Variants in FAF1 observed in about 807,000 individuals in gnomAD.
FAF1 encodes Fas associated factor 1.
FAF1 carries 25 observed loss-of-function variants against 92.5 expected under a neutral mutation model. The observed-to-expected ratio is 0.27, with a 90% CI of 0.20 to 0.38. FAF1 has a LOEUF of 0.38. FAF1 is among the 10% of genes least tolerant of loss of function. The probability of loss-of-function intolerance (pLI) is 1.00; values close to 1 mark genes in which losing one functional copy is unlikely to be tolerated. For missense variants in FAF1, 636 were observed against 793.3 expected (o/e 0.80, Z 2.38); for synonymous variants, 234 against 273.2 (o/e 0.86, Z 1.42).
chr1:50,776,454 T>C (rs1341444919), intron 4 of FAF1, among the ~76,000 whole-genome samples: 2 of 152,148 alleles, frequency 1.3e-5, no homozygotes, highest in Non-Finnish European at 2.9e-5. Context: ...ATATTTAAAG[T>C]GTAACATTAA....
chr1:50,556,851 A>AATAAT (rs1334770776), intron 13 of FAF1, among the ~76,000 whole-genome samples: 1 of 151,574 alleles, frequency 6.6e-6, no homozygotes, highest in Non-Finnish European at 1.5e-5. Flanking sequence ...CATAAAATAA[A>AATAAT]ATAATATAAA....
chr1:50,752,916 T>C (rs1659926695), intron 4 of FAF1, among the ~76,000 whole-genome samples: 1 of 152,156 alleles, frequency 6.6e-6, no homozygotes, highest in African/African-American at 2.4e-5. Context: ...ACTCCTGACC[T>C]GAAGTGTTCC....
chr1:50,707,361 A>G (rs978460368), intron 6 of FAF1, among the ~76,000 whole-genome samples: 9 of 152,206 alleles, frequency 5.9e-5, no homozygotes, highest in African/African-American at 2.2e-4. Flanking sequence ...CAACTAAAAT[A>G]GAATTTCTTG....
At chr1:50,774,572 G>T (rs1420725813) in intron 4 of FAF1, among the ~76,000 whole-genome samples, 1 of 152,042 alleles carries the variant, frequency 6.6e-6, no homozygotes, top group African/African-American at 2.4e-5. Flanking sequence ...AGATCAAAAA[G>T]AGAAAAAATA....
chr1:50,444,924 G>A (rs1646211140), intron 18 of FAF1, among the ~76,000 whole-genome samples: 1 of 150,504 alleles, frequency 6.6e-6, no homozygotes, highest in Admixed American at 6.6e-5. Flanking sequence ...GGTAGGGAGG[G>A]TGGGATGGGT....
chr1:50,917,433 C>T (rs778301989), intron 1 of FAF1, among the ~76,000 whole-genome samples: 1 of 151,950 alleles, frequency 6.6e-6, no homozygotes, highest in African/African-American at 2.4e-5. Context: ...AAATAGAAAC[C>T]AGCAGAGATT....
At chr1:50,856,343 A>G (rs1255130264) in intron 2 of FAF1, among the ~76,000 whole-genome samples, 2 of 151,796 alleles carry the variant, frequency 1.3e-5, no homozygotes, top group East Asian at 3.9e-4. Flanking sequence ...GCAAAAGAAG[A>G]CTCAAGACAA....
intron 12 of FAF1, among the ~76,000 whole-genome samples, chr1:50,579,810 T>G (rs1251019493): frequency 1.3e-5 from 2 of 152,144 alleles, no homozygotes; most frequent in African/African-American, 2.4e-5. Context: ...TTAAGATATC[T>G]AATACTCAAA....
In FAF1 at chr1:50,857,952, C is replaced by T; in HGVS notation, c.91G>A (p.Glu31Lys). 1 of 1,599,616 alleles carries T rather than the reference C, an allele frequency of 6.3e-7. No individual in the cohort carries two copies. The highest frequency in any genetic ancestry group is 8.5e-7 in the Non-Finnish European group (1 of 1,172,932). ...ENIDEAITLL[E>K]QNNWDLVAAI... ...ACCACTAAGTCCCAATTATTTTGTTCAAGCAATGTAATAGCTTCGTCAATG... is the reference window on the plus strand; with the variant it reads ...ACCACTAAGTCCCAATTATTTTGTTTAAGCAATGTAATAGCTTCGTCAATG... The change falls in exon 2 of 19, where the codon GAA becomes AAA. Residue 31 changes from glutamate to lysine, a missense_variant. By Grantham distance (56) the Glu-to-Lys change is moderately conservative. Transcript: ENST00000396153.
intron 2 of FAF1, among the ~76,000 whole-genome samples, chr1:50,820,184 T>C (rs1201545493): frequency 6.6e-6 from 1 of 152,070 alleles, no homozygotes; most frequent in Non-Finnish European, 1.5e-5. Context: ...AGTTGCAGTT[T>C]TGCAAGATGA....
At chr1:50,904,857 G>C (rs1644823027) in intron 1 of FAF1, among the ~76,000 whole-genome samples, 1 of 151,362 alleles carries the variant, frequency 6.6e-6, no homozygotes, top group South Asian at 2.1e-4. Flanking sequence ...TAAGCCATCT[G>C]AATAATATTT....
chr1:50,668,183 C>T (rs911453237), intron 7 of FAF1, among the ~76,000 whole-genome samples: 2 of 152,152 alleles, frequency 1.3e-5, no homozygotes, highest in African/African-American at 2.4e-5. Context: ...GAAAATAAAC[C>T]ATTCAAGTCA....
chr1:50,706,060 C>A, intron 6 of FAF1, 169 bp from the exon 7 acceptor site: 1 of 530,120 alleles, frequency 1.9e-6, no homozygotes, highest in Non-Finnish European at 3.4e-6. Flanking sequence ...CTGAGAACAA[C>A]CAAGGGGAGC....
intron 3 of FAF1, among the ~76,000 whole-genome samples, chr1:50,801,279 G>T (rs1661979262): frequency 6.6e-6 from 1 of 152,226 alleles, no homozygotes; most frequent in Non-Finnish European, 1.5e-5. Flanking sequence ...AGCCTGTATA[G>T]TTAAGTTTGA....
rs568872176 is a variant in FAF1, at chr1:50,632,263, T to C, written c.744+23179A>G. Among the ~76,000 whole-genome samples, 111 of 152,338 alleles carry C rather than the reference T, an allele frequency of 7.3e-4. 1 individual carries two copies. The highest frequency in any genetic ancestry group is 2.0e-3 in the Admixed American group (31 of 15,304). On this transcript the variant is annotated intron_variant, in intron 8 of 18. Coordinates refer to ENST00000396153, the MANE Select transcript of FAF1 (RefSeq NM_007051.3). ...TACCTTTCTTAGTCTGAATTACAAA[T>C]ATTTGAATTTTATGAGAGTTTAGCT...
intron 1 of FAF1, among the ~76,000 whole-genome samples, chr1:50,942,071 A>G (rs1028139820): frequency 6.6e-6 from 1 of 152,184 alleles, no homozygotes; most frequent in Admixed American, 6.5e-5. Flanking sequence ...TCATTAGATA[A>G]TTACTTAACC....
intron 4 of FAF1, among the ~76,000 whole-genome samples, chr1:50,768,541 A>G (rs1660662811): frequency 6.6e-6 from 1 of 152,130 alleles, no homozygotes; most frequent in African/African-American, 2.4e-5. Flanking sequence ...TGTCCATAAA[A>G]CAATCCTTAG....
intron 8 of FAF1, among the ~76,000 whole-genome samples, chr1:50,597,662 A>G (rs1339710006): frequency 6.6e-6 from 1 of 152,198 alleles, no homozygotes; most frequent in Non-Finnish European, 1.5e-5. Context: ...ATTATTTTAC[A>G]GTATTTATAT....
chr1:50,959,541 C>T (rs1395904445), intron 1 of FAF1: 8 of 337,698 alleles, frequency 2.4e-5, no homozygotes, highest in African/African-American at 1.3e-4. Context: ...TCATTAATAC[C>T]TCCAATCCCA....
Sources: allele counts gnomAD v4.1 joint callset (sites outside exome capture counted in the v4.1 genomes callset), GRCh38; gene constraint gnomAD v4.1.1; transcripts MANE v1.5; gene names NCBI Gene and HGNC (gene_info 2026-07-23, HGNC 2026-07-21).